Variants in NTNG1 observed in about 807,000 individuals in gnomAD.
NTNG1 encodes netrin-G1.
NTNG1 carries 16 observed loss-of-function variants against 54.0 expected under a neutral mutation model. The observed-to-expected ratio is 0.30, with a 90% CI of 0.20 to 0.45. The LOEUF (loss-of-function observed/expected upper bound fraction) is 0.45, where lower values mean the gene tolerates loss of function less well. Among genes scored for constraint, NTNG1 ranks in the 20% least tolerant of loss-of-function variants. NTNG1 has a pLI of 1.00. For missense variants in NTNG1, 530 were observed against 678.7 expected (o/e 0.78, Z 2.43); for synonymous variants, 255 against 263.1 (o/e 0.97, Z 0.30).
rs77862455 is a variant in NTNG1, at chr1:107,190,188, G to A, written c.246+41349G>A. ...GAGGAATGAAGAGTTATTGTTTAATGGGCACAGAGTTTCAGTTTGGGAAAA... is the reference window on the plus strand; with the variant it reads ...GAGGAATGAAGAGTTATTGTTTAATAGGCACAGAGTTTCAGTTTGGGAAAA... On this transcript the variant is annotated intron_variant, in intron 2 of 7. Coordinates refer to ENST00000370068, the MANE Select transcript of NTNG1 (RefSeq NM_001113226.3). 6.8e-3 allele frequency among the ~76,000 whole-genome samples: 1,039 copies of A among 152,170 alleles called. 17 individuals are homozygous for A. Among genetic ancestry groups the A allele is most frequent in the African/African-American group, 0.024 (993 of 41,532 alleles).
rs377061610 is a variant in NTNG1 at position 107,380,007 on chromosome 1, A to G, written c.888-15147A>G. Among the ~76,000 whole-genome samples the G allele has an allele frequency of 1.1e-4, 16 of 152,284 alleles. No individual in the cohort carries two copies. In the East Asian group the frequency reaches 2.7e-3, roughly 26 times the overall value. On this transcript the variant is annotated intron_variant, in intron 3 of 7. Coordinates refer to ENST00000370068, the MANE Select transcript of NTNG1 (RefSeq NM_001113226.3). ...AGAGTTGCTCCTGGGAAGTTAAATCACCTCTGGCCTGTTCAACTTGACTGG... is the reference window on the plus strand; with the variant it reads ...AGAGTTGCTCCTGGGAAGTTAAATCGCCTCTGGCCTGTTCAACTTGACTGG...
intron 5 of NTNG1, 32 bp downstream of exon 5, chr1:107,407,740 A>G: frequency 1.3e-6 from 2 of 1,584,308 alleles, no homozygotes; most frequent in Non-Finnish European, 1.7e-6. Flanking sequence ...AAAAACACCA[A>G]ACCAAGTCTA....
intron 5 of NTNG1, among the ~76,000 whole-genome samples, chr1:107,417,294 G>C (rs17018971): frequency 6.6e-6 from 1 of 151,964 alleles, no homozygotes; most frequent in Non-Finnish European, 1.5e-5. Context: ...AGAACACAGC[G>C]AAAGAGAGCA....
At chr1:107,140,321 GCTC>G (rs1250807052), upstream of NTNG1, 4 of 152,744 alleles carry the variant, frequency 2.6e-5, no homozygotes, top group Non-Finnish European at 5.9e-5. Flanking sequence ...CTTCTTTGCC[GCTC>G]CTCTTTCCGG....
chr1:107,238,794 C>CT (rs36116718), intron 2 of NTNG1, among the ~76,000 whole-genome samples: 53,679 of 146,790 alleles, frequency 0.37, 10,220 homozygotes, highest in Middle Eastern at 0.46. Flanking sequence ...CAATTAAACA[C>CT]TTTTTTTTTT....
intron 7 of NTNG1, among the ~76,000 whole-genome samples, chr1:107,474,060 C>A (rs1321042352): frequency 2.0e-5 from 3 of 152,144 alleles, no homozygotes; most frequent in Non-Finnish European, 4.4e-5. Context: ...CAAGCTATTA[C>A]CAAAGCAGTA....
intron 2 of NTNG1, among the ~76,000 whole-genome samples, chr1:107,162,101 A>T (rs1447350274): frequency 7.9e-5 from 11 of 139,070 alleles, no homozygotes; most frequent in Non-Finnish European, 1.6e-5. Context: ...GAAATTTAGG[A>T]AGTTTCTTTT....
chr1:107,364,562 T>C (rs554554598), intron 3 of NTNG1, among the ~76,000 whole-genome samples: 1 of 152,318 alleles, frequency 6.6e-6, no homozygotes, highest in East Asian at 1.9e-4. Context: ...TCTGCAACCA[T>C]TTACGACGTG....
chr1:107,179,514 T>G (rs1656911051), intron 2 of NTNG1, among the ~76,000 whole-genome samples: 1 of 152,192 alleles, frequency 6.6e-6, no homozygotes, highest in Admixed American at 6.5e-5. Context: ...TTATTTTTAC[T>G]GTTTTCTCTC....
At chr1:107,288,941 A>G (rs565457057) in intron 2 of NTNG1, among the ~76,000 whole-genome samples, 25 of 152,274 alleles carry the variant, frequency 1.6e-4, no homozygotes, top group African/African-American at 5.5e-4. Flanking sequence ...TTATACACAC[A>G]AAGTATACAC....
At chr1:107,254,930 G>C (rs1156848525) in intron 2 of NTNG1, among the ~76,000 whole-genome samples, 1 of 152,146 alleles carries the variant, frequency 6.6e-6, no homozygotes, top group Non-Finnish European at 1.5e-5. Flanking sequence ...GTCCAGAAGA[G>C]AAAGACTAAA....
At chr1:107,373,888 G>A (rs1446605017) in intron 3 of NTNG1, among the ~76,000 whole-genome samples, 3 of 151,938 alleles carry the variant, frequency 2.0e-5, no homozygotes, top group African/African-American at 4.8e-5. Flanking sequence ...TTTTTGTAAA[G>A]ACAGGGTCTT....
intron 3 of NTNG1, among the ~76,000 whole-genome samples, chr1:107,393,634 G>C (rs1006338572): frequency 7.9e-5 from 12 of 151,798 alleles, no homozygotes; most frequent in African/African-American, 2.9e-4. Flanking sequence ...GCTGTAGCTT[G>C]GTCTTCCCAG....
chr1:107,284,503 T>C (rs1005595934), intron 2 of NTNG1, among the ~76,000 whole-genome samples: 15 of 152,132 alleles, frequency 9.9e-5, no homozygotes, highest in African/African-American at 3.6e-4. Context: ...AGCAAGTCTA[T>C]ACTTAAGAAA....
chr1:107,243,795 G>T (rs1253253642), intron 2 of NTNG1, among the ~76,000 whole-genome samples: 1 of 151,406 alleles, frequency 6.6e-6, no homozygotes, highest in Non-Finnish European at 1.5e-5. Flanking sequence ...TTCAATATAT[G>T]ACTCTGCACT....
rs147628019 is a variant in NTNG1, at chr1:107,355,277, TG to T, written c.887+30356del. Among the ~76,000 whole-genome samples, 287 of 151,936 alleles carry T rather than the reference TG, an allele frequency of 1.9e-3. 1 individual carries two copies. The highest frequency in any genetic ancestry group is 6.2e-3 in the African/African-American group (259 of 41,496). On this transcript the variant is annotated intron_variant, in intron 3 of 7. Transcript: ENST00000370068. ...GTCTTTTTTTTTTTAACTTTTTTAT[TG>T]TTTTTTTTAATTGACATCATTCTTT... is the stretch of plus-strand genomic sequence containing the variant.
intron 3 of NTNG1, among the ~76,000 whole-genome samples, chr1:107,340,349 A>G (rs146162811): frequency 6.6e-6 from 1 of 152,202 alleles, no homozygotes; most frequent in East Asian, 1.9e-4. Flanking sequence ...GCAAGACCAC[A>G]TGTTGTTTAA....
At chr1:107,308,833 G>C (rs1331367887) in intron 2 of NTNG1, among the ~76,000 whole-genome samples, 1 of 151,868 alleles carries the variant, frequency 6.6e-6, no homozygotes, top group Non-Finnish European at 1.5e-5. Context: ...TCTCATTGTT[G>C]AGATCCTTCA....
At chr1:107,306,332 A>G (rs775107139) in intron 2 of NTNG1, among the ~76,000 whole-genome samples, 2 of 152,218 alleles carry the variant, frequency 1.3e-5, no homozygotes, top group Non-Finnish European at 2.9e-5. Flanking sequence ...TCAAAATCCA[A>G]TGTGTAATTT....
Sources: gnomAD v4.1 joint callset for allele counts (sites outside exome capture counted in the v4.1 genomes callset) on GRCh38, gnomAD v4.1.1 for gene constraint, MANE v1.5 for transcripts, NCBI Gene and HGNC (gene_info 2026-07-23, HGNC 2026-07-21) for gene names.